The following NIBAN1 variants were observed in gnomAD, a reference collection of about 807,000 sequenced individuals.
NIBAN1 encodes the protein niban apoptosis regulator 1.
In NIBAN1, 81 loss-of-function variants were observed where a neutral mutation model predicts 75.1. That is an observed-to-expected ratio of 1.08 (90% CI 0.90 to 1.30). NIBAN1 has a LOEUF of 1.30. Among genes scored for constraint, NIBAN1 ranks in the 50% most tolerant of loss-of-function variants. The probability of loss-of-function intolerance (pLI) is 0.00; values close to 1 mark genes in which losing one functional copy is unlikely to be tolerated. For synonymous variants in NIBAN1, 436 were observed against 424.8 expected, an observed-to-expected ratio of 1.03 and a Z score of -0.32; for missense variants, 1,133 against 1,128.1, an observed-to-expected ratio of 1.00 and a Z score of -0.06.
intron 1 of NIBAN1, among the ~76,000 whole-genome samples, chr1:184,940,726 ACT>A (rs1242447043): frequency 6.6e-6 from 1 of 152,188 alleles, no homozygotes; most frequent in Non-Finnish European, 1.5e-5. Flanking sequence ...AAATTTTTTA[ACT>A]TTTTTCATTA....
intron 1 of NIBAN1, among the ~76,000 whole-genome samples, chr1:184,932,861 T>C (rs1170892282): frequency 2.0e-5 from 3 of 152,198 alleles, no homozygotes; most frequent in Non-Finnish European, 4.4e-5. Context: ...CTATTTTCTT[T>C]AGTGAGTAGA....
chr1:184,795,059 TC>T lies in NIBAN1; in HGVS notation c.2704del (p.Asp902MetfsTer10). ...GTCATCTTTGTGTGACAGCAGGACA[TC>T]CGGGTTTGGAGCATCCTCCACCACC... ...QWVVEDAPNP[D>X]VLLSHKDDVK... On this transcript the variant is annotated frameshift_variant, in exon 14 of 14. Transcript: ENST00000367511. LOFTEE classifies it low-confidence loss of function (END_TRUNC). 2 of 1,613,984 alleles carry T rather than the reference TC, an allele frequency of 1.2e-6. No individual in the cohort carries two copies. Among genetic ancestry groups the T allele is most frequent in the South Asian group, 1.1e-5 (1 of 91,090 alleles).
rs1394134826 is a variant in NIBAN1 at position 184,793,562 on chromosome 1, A to G, written c.*1415T>C. 6.6e-6 allele frequency: 1 copy of G among 152,218 alleles called. No homozygotes were observed. The highest frequency in any genetic ancestry group is 2.4e-5 in the African/African-American group (1 of 41,450). 9.4% of individuals were successfully genotyped at this position (152,218 alleles called of 1,614,324 possible). ...CAGAGTGAGACTCCATCTCAAAAAA[A>G]TAGAATAAAATAAAATAAAAAGTCG... On this transcript the variant is annotated 3_prime_UTR_variant, in exon 14 of 14. Coordinates refer to ENST00000367511, the MANE Select transcript of NIBAN1 (RefSeq NM_052966.4).
intron 1 of NIBAN1, among the ~76,000 whole-genome samples, chr1:184,955,348 T>TTTCCTTTCCG (rs1658459824): frequency 1.3e-5 from 2 of 150,220 alleles, no homozygotes; most frequent in Non-Finnish European, 3.0e-5. Flanking sequence ...TTTCCTTTCC[T>TTTCCTTTCCG]TTCCTTTCCT....
chr1:184,813,379 A>T (rs80227970), intron 9 of NIBAN1, among the ~76,000 whole-genome samples: 1 of 150,624 alleles, frequency 6.6e-6, no homozygotes, highest in African/African-American at 2.5e-5. Context: ...CAGCTTTAAA[A>T]ATTATTGTTA....
rs535046742 is a variant in NIBAN1 at position 184,968,355 on chromosome 1, T to A, written c.55+5947A>T. ...AAAGGAAATAGAAAGTAATTATTGA[T>A]ACTAGCAACTCCTAATTTGCAGTAG... On this transcript the variant is annotated intron_variant, in intron 1 of 13. Transcript: ENST00000367511. Among the ~76,000 whole-genome samples, 9 of 152,366 alleles carry A rather than the reference T, an allele frequency of 5.9e-5. No homozygotes were observed. The South Asian group carries it at 1.9e-3, about 32-fold the overall frequency.
At chr1:184,805,786 A>G in intron 11 of NIBAN1, 160 bp downstream of exon 11, 1 of 621,906 alleles carries the variant, frequency 1.6e-6, no homozygotes, top group South Asian at 2.0e-5. Context: ...TGGAAGTCAC[A>G]CTGGAGAAAC....
chr1:184,819,402 C>A (rs147828584), intron 8 of NIBAN1, among the ~76,000 whole-genome samples: 2 of 151,986 alleles, frequency 1.3e-5, no homozygotes, highest in African/African-American at 2.4e-5. Context: ...TTTTTCTGAC[C>A]AAGATGACAT....
intron 5 of NIBAN1, among the ~76,000 whole-genome samples, chr1:184,867,133 C>T (rs1557893130): frequency 6.6e-6 from 1 of 152,012 alleles, no homozygotes; most frequent in Non-Finnish European, 1.5e-5. Context: ...CCCCATCACA[C>T]ACAGACACTC....
chr1:184,806,304 C>T (rs562414892), intron 10 of NIBAN1, among the ~76,000 whole-genome samples: 2 of 152,334 alleles, frequency 1.3e-5, no homozygotes, highest in East Asian at 3.9e-4. Context: ...AGCATTCTGT[C>T]ATCTCCCGTG....
intron 1 of NIBAN1, among the ~76,000 whole-genome samples, chr1:184,950,991 A>G (rs1298817016): frequency 6.6e-6 from 1 of 152,236 alleles, no homozygotes; most frequent in African/African-American, 2.4e-5. Flanking sequence ...TAAGACAGAA[A>G]GAGGTTGAGG....
intron 5 of NIBAN1, among the ~76,000 whole-genome samples, chr1:184,838,061 T>A (rs1303746002): frequency 6.6e-6 from 1 of 152,208 alleles, no homozygotes; most frequent in Non-Finnish European, 1.5e-5. Context: ...TACTTTCTTT[T>A]TCTGATCTCT....
intron 2 of NIBAN1, 63 bp downstream of exon 2, chr1:184,899,116 A>G (rs1472803090): frequency 9.0e-6 from 14 of 1,548,546 alleles, no homozygotes; most frequent in Middle Eastern, 1.7e-4. Flanking sequence ...TTTCAGAAAT[A>G]CGGCTGTGCT....
intron 1 of NIBAN1, among the ~76,000 whole-genome samples, chr1:184,900,817 G>A (rs755392993): frequency 2.6e-5 from 4 of 152,172 alleles, no homozygotes; most frequent in African/African-American, 4.8e-5. Flanking sequence ...CGATGAGTCC[G>A]CAGAACAGGG....
rs572395950 is a variant in NIBAN1, at chr1:184,889,997, G to A, written c.433+111C>T. 179 of 811,026 alleles carry A rather than the reference G, an allele frequency of 2.2e-4. No individual in the cohort carries two copies. In the Middle Eastern group the frequency reaches 3.5e-3, roughly 16 times the overall value. The allele number at this position is 811,026 out of a possible 1,614,324, so 50.2% of individuals were successfully genotyped here. Reference sequence around the variant, plus strand: ...GTGACAAACAAAAATGTCTCCAGATGCTGCCAAATGTCCCTGGAGGGAAAT... The same window carrying A: ...GTGACAAACAAAAATGTCTCCAGATACTGCCAAATGTCCCTGGAGGGAAAT... On this transcript the variant is annotated intron_variant, in intron 4 of 13. Coordinates refer to ENST00000367511, the MANE Select transcript of NIBAN1 (RefSeq NM_052966.4).
chr1:184,817,829 G>C (rs1467124609), intron 9 of NIBAN1, among the ~76,000 whole-genome samples: 4 of 152,208 alleles, frequency 2.6e-5, no homozygotes, highest in African/African-American at 9.7e-5. Context: ...ACCTAACTTA[G>C]TAGTATGCAC....
At chr1:184,808,267 C>G (rs1266838710) in intron 9 of NIBAN1, 32 bp from the exon 10 acceptor site, 1 of 1,607,926 alleles carries the variant, frequency 6.2e-7, no homozygotes, top group Non-Finnish European at 8.5e-7. Context: ...CATTAAACAC[C>G]CTCAGAATGA....
chr1:184,890,093 T>C lies in NIBAN1; in HGVS notation c.433+15A>G, dbSNP rs558717825. 3 of 1,587,624 alleles carry C rather than the reference T, an allele frequency of 1.9e-6. No homozygotes were observed. Among genetic ancestry groups the C allele is most frequent in the Admixed American group, 3.3e-5 (2 of 59,902 alleles). On this transcript the variant is annotated intron_variant, in intron 4 of 13. Transcript: ENST00000367511. Reference sequence around the variant, plus strand: ...TTAGTCATTTTGCCTTGGAAAAGAATGATCAGCAACTCACCAAGAGGGTCT... The same window carrying C: ...TTAGTCATTTTGCCTTGGAAAAGAACGATCAGCAACTCACCAAGAGGGTCT...
At position 184,831,929 on chromosome 1, in the gene NIBAN1, G is replaced by C. The variant is rs1655010431; in HGVS notation, c.635C>G (p.Ala212Gly). The C allele has an allele frequency of 1.2e-6, 2 of 1,613,904 alleles. No individual in the cohort carries two copies. Among genetic ancestry groups the C allele is most frequent in the Non-Finnish European group, 1.7e-6 (2 of 1,179,952 alleles). ...YMKQMTFEAQ[A>G]FLEAVQFFRQ... ...GAAGAATTGCACAGCTTCTAAAAAG[G>C]CTTGGGCTTCAAATGTCATCTGCTT... The change falls in exon 6 of 14, where the codon GCC becomes GGC. Residue 212 changes from alanine to glycine, a missense_variant. Coordinates refer to ENST00000367511, the MANE Select transcript of NIBAN1 (RefSeq NM_052966.4).
Sources: gnomAD v4.1 joint callset for allele counts (sites outside exome capture counted in the v4.1 genomes callset) on GRCh38, gnomAD v4.1.1 for gene constraint, MANE v1.5 for transcripts, NCBI Gene and HGNC (gene_info 2026-07-23, HGNC 2026-07-21) for gene names.